The following CACNA2D2 variants were observed in gnomAD, a reference collection of about 807,000 sequenced individuals.
CACNA2D2 encodes calcium voltage-gated channel auxiliary subunit alpha2delta 2, also known as voltage-dependent calcium channel subunit alpha-2/delta-2.
In CACNA2D2, 48 loss-of-function variants were observed where a neutral mutation model predicts 166.4. That is an observed-to-expected ratio of 0.29 (90% CI 0.23 to 0.37). The LOEUF is 0.37. Ranked by LOEUF, CACNA2D2 falls within the 10% of genes least tolerant of loss-of-function variation. CACNA2D2 has a pLI of 1.00. For synonymous variants in CACNA2D2, 561 were observed against 573.7 expected (o/e 0.98, Z 0.32); for missense variants, 1,122 against 1,433.0 (o/e 0.78, Z 3.50).
intron 1 of CACNA2D2, among the ~76,000 whole-genome samples, chr3:50,491,278 A>C (rs1410690638): frequency 6.6e-6 from 1 of 152,132 alleles, no homozygotes; most frequent in Admixed American, 6.5e-5. Flanking sequence ...CTTTCTATGG[A>C]GGGTGCTGAG....
In CACNA2D2 at chr3:50,389,279, C is replaced by T. The variant is rs150037443; in HGVS notation, c.466-1667G>A. ...AAACACAATAAGGAGTTTCAGTTGACGAAGATCATTCCTGAACACACAAAC... is the reference window on the plus strand; with the variant it reads ...AAACACAATAAGGAGTTTCAGTTGATGAAGATCATTCCTGAACACACAAAC... On this transcript the variant is annotated intron_variant, in intron 4 of 37. Transcript: ENST00000424201. 3.1e-3 allele frequency among the ~76,000 whole-genome samples: 473 copies of T among 152,280 alleles called. 3 individuals carry two copies. Among genetic ancestry groups the T allele is most frequent in the African/African-American group, 0.011 (458 of 41,544 alleles).
chr3:50,405,012 G>A (rs1435480010), intron 3 of CACNA2D2, among the ~76,000 whole-genome samples: 1 of 152,168 alleles, frequency 6.6e-6, no homozygotes, highest in Admixed American at 6.5e-5. Flanking sequence ...CAACCTCCAG[G>A]CTCCCTTCCC....
At chr3:50,463,295 C>T (rs1261699590) in intron 2 of CACNA2D2, among the ~76,000 whole-genome samples, 1 of 151,554 alleles carries the variant, frequency 6.6e-6, no homozygotes, top group Non-Finnish European at 1.5e-5. Flanking sequence ...GGAAGAAGCT[C>T]CAAATTTCTC....
chr3:50,368,315 C>T (rs1187387227), intron 23 of CACNA2D2, 80 bp from the exon 24 acceptor site: 1 of 869,324 alleles, frequency 1.2e-6, no homozygotes, highest in Non-Finnish European at 2.0e-6. Context: ...AACAGGCCCA[C>T]TTGGCCATTC....
At chr3:50,479,449 G>A (rs1030013637) in intron 1 of CACNA2D2, among the ~76,000 whole-genome samples, 1 of 152,252 alleles carries the variant, frequency 6.6e-6, no homozygotes, top group Non-Finnish European at 1.5e-5. Context: ...GAGGCAATAT[G>A]TGTGTCTCAG....
chr3:50,423,143 C>G (rs2106846830), intron 3 of CACNA2D2, among the ~76,000 whole-genome samples: 1 of 152,354 alleles, frequency 6.6e-6, no homozygotes, highest in South Asian at 2.1e-4. Context: ...GCCTACGCAG[C>G]TCATGGATGG....
At chr3:50,381,273 C>G (rs935207788) in intron 6 of CACNA2D2, 147 bp from the exon 7 acceptor site, 1 of 858,694 alleles carries the variant, frequency 1.2e-6, no homozygotes, top group East Asian at 2.5e-5. Context: ...TAGGGCCCAG[C>G]TGGGGCTGCC....
chr3:50,424,653 T>A (rs529837920), intron 3 of CACNA2D2, among the ~76,000 whole-genome samples: 1 of 152,330 alleles, frequency 6.6e-6, no homozygotes, highest in East Asian at 1.9e-4. Flanking sequence ...GCAGGTCTAT[T>A]CGTGCTGTCC....
At chr3:50,370,258 G>C in intron 23 of CACNA2D2, 62 bp downstream of exon 23, 1 of 1,141,736 alleles carries the variant, frequency 8.8e-7, no homozygotes. Context: ...AGCAGTGCAG[G>C]AGGTGGGGCC....
intron 3 of CACNA2D2, among the ~76,000 whole-genome samples, chr3:50,412,841 G>A (rs1575649313): frequency 6.6e-6 from 1 of 152,196 alleles, no homozygotes; most frequent in East Asian, 1.9e-4. Context: ...GGAGGGGAGA[G>A]GGCCTGGTTG....
Position 50,427,879 on chromosome 3 carries a change from C to T in CACNA2D2, c.405+6434G>A, listed in dbSNP as rs894562524. ...GGGGCCAACCTGTTTGTCTCACCCTCGTCAGTGAATGCACCCGTGGACTCA... is the reference window on the plus strand; with the variant it reads ...GGGGCCAACCTGTTTGTCTCACCCTTGTCAGTGAATGCACCCGTGGACTCA... On this transcript the variant is annotated intron_variant, in intron 3 of 37. Transcript: ENST00000424201. This position sits in a 1 kb window ranked among gnomAD's most constrained non-coding sequence, Gnocchi z 4.7. Among the ~76,000 whole-genome samples, 55 of 152,320 alleles carry T rather than the reference C, an allele frequency of 3.6e-4. No homozygotes were observed. The highest frequency in any genetic ancestry group is 1.2e-3 in the African/African-American group (48 of 41,574).
intron 2 of CACNA2D2, among the ~76,000 whole-genome samples, chr3:50,467,003 T>C (rs1334492962): frequency 1.3e-5 from 2 of 151,788 alleles, no homozygotes; most frequent in Non-Finnish European, 2.9e-5. Context: ...AAGAGGCCTG[T>C]AAGGGGGTGG....
chr3:50,397,425 G>C (rs115117605), intron 3 of CACNA2D2, among the ~76,000 whole-genome samples: 53 of 152,228 alleles, frequency 3.5e-4, no homozygotes, highest in African/African-American at 1.2e-3. Context: ...TCGGCCACAA[G>C]GTCCCATCAG....
chr3:50,402,191 G>A (rs571771492), intron 3 of CACNA2D2, among the ~76,000 whole-genome samples: 27 of 152,268 alleles, frequency 1.8e-4, no homozygotes, highest in Non-Finnish European at 3.1e-4. Flanking sequence ...TCCTGGGACA[G>A]GAGCCAAATG....
At chr3:50,394,266 G>T in intron 3 of CACNA2D2, 98 bp from the exon 4 acceptor site, 1 of 966,988 alleles carries the variant, frequency 1.0e-6, no homozygotes, top group Non-Finnish European at 1.7e-6. Flanking sequence ...CTGGGGCCAG[G>T]CTGGACTGGT....
rs969363236 is a variant in CACNA2D2, at chr3:50,375,328, C to G, written c.1907+316G>C. Among the ~76,000 whole-genome samples the G allele has an allele frequency of 3.3e-5, 5 of 152,298 alleles. No homozygotes were observed. The highest frequency in any genetic ancestry group is 2.6e-4 in the Admixed American group (4 of 15,298). On this transcript the variant is annotated intron_variant, in intron 21 of 37. Coordinates refer to ENST00000424201, the MANE Select transcript of CACNA2D2 (RefSeq NM_006030.4). The surrounding 1 kb of genome is among the most constrained non-coding windows in gnomAD (Gnocchi z 4.0). ...GCTGTGTGGGGCAGGCAGAGGTCAG[C>G]CTGCACTGACCCAGCCTGACACACA...
intron 4 of CACNA2D2, among the ~76,000 whole-genome samples, chr3:50,390,959 C>T (rs951219087): frequency 2.0e-5 from 3 of 152,388 alleles, no homozygotes; most frequent in East Asian, 1.9e-4. Flanking sequence ...CCAGTGAGGA[C>T]GCTTGGCCTT....
At chr3:50,490,789 G>A (rs981456951) in intron 1 of CACNA2D2, among the ~76,000 whole-genome samples, 12 of 152,190 alleles carry the variant, frequency 7.9e-5, no homozygotes, top group Admixed American at 5.9e-4. Flanking sequence ...ACCCCTCCCA[G>A]CCACATAGTC....
intron 3 of CACNA2D2, among the ~76,000 whole-genome samples, chr3:50,429,719 G>A (rs1707981574): frequency 6.6e-6 from 1 of 150,690 alleles, no homozygotes; most frequent in Non-Finnish European, 1.5e-5. Context: ...ACAGTAAGCC[G>A]AGATCATGCC....
Sources: gnomAD v4.1 joint callset for allele counts (sites outside exome capture counted in the v4.1 genomes callset) on GRCh38, gnomAD v4.1.1 for gene constraint, Gnocchi (gnomAD v3.1) non-coding constraint, MANE v1.5 for transcripts, NCBI Gene and HGNC (gene_info 2026-07-23, HGNC 2026-07-21) for gene names.